GPD2: variants seen among roughly 807,000 people sequenced by gnomAD.
The protein encoded by GPD2 is glycerol-3-phosphate dehydrogenase, mitochondrial.
A neutral mutation model predicts 82.4 loss-of-function variants in GPD2; 54 were observed. The observed-to-expected ratio is 0.66, with a 90% confidence interval of 0.53 to 0.82. GPD2 has a LOEUF of 0.82. Among genes scored for constraint, GPD2 ranks in the 40% least tolerant of loss-of-function variants. The pLI, the probability that GPD2 is intolerant of heterozygous loss-of-function variation, is 0.00. For synonymous variants in GPD2, 288 were observed against 306.1 expected, an observed-to-expected ratio of 0.94 and a Z score of 0.62; for missense variants, 748 against 896.2, an observed-to-expected ratio of 0.83 and a Z score of 2.11.
At chr2:156,513,594 T>A (rs759042422) in intron 6 of GPD2, 98 bp downstream of exon 6, 1 of 919,092 alleles carries the variant, frequency 1.1e-6, no homozygotes, top group Non-Finnish European at 1.7e-6. Context: ...CATCTTTAAA[T>A]ACTAATCTTA....
the GPD2 span, among the ~76,000 whole-genome samples, chr2:156,406,314 T>G: frequency 1.3e-5 from 2 of 152,172 alleles, no homozygotes; most frequent in African/African-American, 2.4e-5. Flanking sequence ...ATGCAGCAAT[T>G]TTTCCTGGAA....
chr2:156,578,940 T>G lies in GPD2; in HGVS notation c.1819T>G (p.Ser607Ala), dbSNP rs764062152. The G allele has an allele frequency of 1.9e-6, 3 of 1,612,482 alleles. No homozygotes were observed. The highest frequency in any genetic ancestry group is 2.2e-5 in the South Asian group (2 of 91,052). Residue 607 changes from serine to alanine, a missense_variant, in exon 14 of 17, where the codon TCT (serine) becomes GCT (alanine). Coordinates refer to ENST00000438166, the MANE Select transcript of GPD2 (RefSeq NM_000408.5). The part of the protein sequence containing the change: ...KFLYYEMGYK[S>A]RSEQLTDRSE... ...TCTATATTATGAAATGGGCTATAAA[T>G]CTCGATCAGAACAGTTAACAGATCG...
intron 6 of GPD2, among the ~76,000 whole-genome samples, chr2:156,545,118 G>A (rs1029347931): frequency 1.4e-4 from 21 of 152,116 alleles, no homozygotes; most frequent in African/African-American, 4.8e-4. Context: ...GCATACACAC[G>A]CATGCCTACA....
At chr2:156,520,742 GC>G (rs975031618) in intron 6 of GPD2, among the ~76,000 whole-genome samples, 5 of 151,884 alleles carry the variant, frequency 3.3e-5, no homozygotes, top group African/African-American at 1.2e-4. Flanking sequence ...GTGCCACCAT[GC>G]CCAGCTAATT....
At chr2:156,567,176 C>T (rs942124489) in intron 9 of GPD2, among the ~76,000 whole-genome samples, 3 of 151,836 alleles carry the variant, frequency 2.0e-5, no homozygotes, top group Admixed American at 1.3e-4. Context: ...CCTTTTCATT[C>T]TGTTAATAGT....
At position 156,510,859 on chromosome 2, in the gene GPD2, A is replaced by C; in HGVS notation, c.338A>C (p.Lys113Thr). The C allele has an allele frequency of 6.2e-7, 1 of 1,613,022 alleles. No homozygotes were observed. ...TCAGGGACCAGCAGCAGAAGCACTA[A>C]ATTGATCCATGGTGGTGTGAGATAT... ...FSSGTSSRST[K>T]LIHGGVRYLQ... Residue 113 changes from lysine (K) to threonine (T), a missense_variant, in exon 4 of 17, where the codon AAA becomes ACA. Lys to Thr is a moderately conservative substitution (Grantham distance 78, BLOSUM62 -1). Transcript: ENST00000438166.
intron 6 of GPD2, among the ~76,000 whole-genome samples, chr2:156,514,624 A>G (rs750319445): frequency 6.6e-6 from 1 of 152,126 alleles, no homozygotes; most frequent in African/African-American, 2.4e-5. Flanking sequence ...ATAAATGCAA[A>G]AAGTATATGT....
the GPD2 span, among the ~76,000 whole-genome samples, chr2:156,428,841 A>G: frequency 2.6e-5 from 4 of 152,296 alleles, no homozygotes; most frequent in South Asian, 6.2e-4. Context: ...GCTTTATATG[A>G]TGATTTTGCT....
chr2:156,508,113 A>G (rs1482424241), intron 3 of GPD2, among the ~76,000 whole-genome samples: 1 of 152,066 alleles, frequency 6.6e-6, no homozygotes, highest in Non-Finnish European at 1.5e-5. Flanking sequence ...ATCATCAGCC[A>G]GTTTCAGTAA....
intron 4 of GPD2, among the ~76,000 whole-genome samples, 190 bp downstream of exon 4, chr2:156,511,110 G>A (rs1211135963): frequency 1.3e-5 from 2 of 152,140 alleles, no homozygotes; most frequent in Non-Finnish European, 2.9e-5. Context: ...ATGTTTATGG[G>A]TAATCAGGGG....
At chr2:156,582,484 T>A (rs369165473) in intron 16 of GPD2, among the ~76,000 whole-genome samples, 31 of 136,542 alleles carry the variant, frequency 2.3e-4, no homozygotes, top group Middle Eastern at 3.9e-3. Context: ...TTGAAGTTGC[T>A]AAAAAAAAAA....
the GPD2 span, among the ~76,000 whole-genome samples, chr2:156,424,958 A>G: frequency 6.6e-6 from 1 of 152,214 alleles, no homozygotes; most frequent in Non-Finnish European, 1.5e-5. Context: ...TGCCATATTT[A>G]TTAAGAATAG....
chr2:156,469,191 G>A (rs971561900), intron 1 of GPD2, among the ~76,000 whole-genome samples: 6 of 152,024 alleles, frequency 3.9e-5, no homozygotes, highest in Admixed American at 2.6e-4. Context: ...GGAGTCTCTC[G>A]CTCTGTCGCC....
intron 1 of GPD2, among the ~76,000 whole-genome samples, chr2:156,453,801 CG>C (rs1430250807): frequency 6.6e-6 from 1 of 152,082 alleles, no homozygotes; most frequent in African/African-American, 2.4e-5. Flanking sequence ...CGCTTGAACC[CG>C]GGAGGTGGAG....
At chr2:156,400,908 C>A in the GPD2 span, among the ~76,000 whole-genome samples, 6 of 152,116 alleles carry the variant, frequency 3.9e-5, no homozygotes, top group Non-Finnish European at 8.8e-5. Flanking sequence ...TACCCCATTA[C>A]TTGTACATAC....
At chr2:156,568,288 A>G (rs1233345077) in intron 9 of GPD2, among the ~76,000 whole-genome samples, 1 of 152,122 alleles carries the variant, frequency 6.6e-6, no homozygotes, top group African/African-American at 2.4e-5. Context: ...TGAGATGTCT[A>G]TGTCAAGTGT....
chr2:156,450,270 C>T (rs1393578462), intron 1 of GPD2, among the ~76,000 whole-genome samples: 1 of 152,116 alleles, frequency 6.6e-6, no homozygotes, highest in Non-Finnish European at 1.5e-5. Context: ...AGATGTCAGA[C>T]AACTGGGTGA....
At chr2:156,513,222 C>T in intron 5 of GPD2, 111 bp from the exon 6 acceptor site, 2 of 850,924 alleles carry the variant, frequency 2.4e-6, no homozygotes, top group Non-Finnish European at 4.1e-6. Flanking sequence ...TTGCAGTCCA[C>T]TTCTAGGTAT....
intron 1 of GPD2, among the ~76,000 whole-genome samples, chr2:156,454,804 G>C (rs1682731236): frequency 6.6e-6 from 1 of 152,190 alleles, no homozygotes; most frequent in South Asian, 2.1e-4. Context: ...GTGATGTCTT[G>C]GGGGAAATTG....
Sources: allele counts gnomAD v4.1 joint callset (sites outside exome capture counted in the v4.1 genomes callset), GRCh38; gene constraint gnomAD v4.1.1; transcripts MANE v1.5; gene names NCBI Gene and HGNC (gene_info 2026-07-23, HGNC 2026-07-21).